The following ZBBX variants were observed in gnomAD, a reference collection of about 807,000 sequenced individuals.
ZBBX encodes the protein zinc finger B-box domain containing, also known as zinc finger B-box domain-containing protein 1.
ZBBX carries 101 observed loss-of-function variants against 108.5 expected under a neutral mutation model. That is an observed-to-expected ratio of 0.93 (90% CI 0.79 to 1.10). The LOEUF is 1.10. ZBBX is among the 50% of genes least tolerant of loss of function. The pLI, the probability that ZBBX is intolerant of heterozygous loss-of-function variation, is 0.00. For missense variants in ZBBX, 1,009 were observed against 941.4 expected, an observed-to-expected ratio of 1.07 and a Z score of -0.94; for synonymous variants, 356 against 323.4, an observed-to-expected ratio of 1.10 and a Z score of -1.08.
the ZBBX span, among the ~76,000 whole-genome samples, chr3:167,207,988 G>GA: frequency 6.6e-6 from 1 of 152,168 alleles, no homozygotes; most frequent in South Asian, 2.1e-4. Flanking sequence ...ATGGCACTGA[G>GA]AATCTGCATT....
intron 2 of ZBBX, among the ~76,000 whole-genome samples, chr3:167,375,838 C>A (rs529993735): frequency 6.6e-6 from 1 of 152,236 alleles, no homozygotes; most frequent in African/African-American, 2.4e-5. Context: ...TGGAATTACA[C>A]AAAATAATTA....
intron 2 of ZBBX, among the ~76,000 whole-genome samples, chr3:167,374,669 T>C (rs1041934115): frequency 2.6e-5 from 4 of 152,152 alleles, no homozygotes; most frequent in African/African-American, 9.7e-5. Flanking sequence ...AGGTTTGTTT[T>C]CTGAGCTCAA....
At chr3:167,215,409 C>A in the ZBBX span, among the ~76,000 whole-genome samples, 1 of 152,056 alleles carries the variant, frequency 6.6e-6, no homozygotes, top group Non-Finnish European at 1.5e-5. Context: ...GACACATACA[C>A]CCTCCCAAGA....
At chr3:167,306,290 A>G (rs1296263701) in intron 16 of ZBBX, among the ~76,000 whole-genome samples, 1 of 152,202 alleles carries the variant, frequency 6.6e-6, no homozygotes, top group Non-Finnish European at 1.5e-5. Context: ...ATTTTACAAC[A>G]GTAATTCATG....
At chr3:167,287,562 A>G (rs1375025465) in intron 19 of ZBBX, among the ~76,000 whole-genome samples, 1 of 152,172 alleles carries the variant, frequency 6.6e-6, no homozygotes, top group African/African-American at 2.4e-5. Context: ...GCTTGAACAA[A>G]TGTTTTTTAT....
At chr3:167,392,066 G>T (rs574705966) in intron 1 of ZBBX, among the ~76,000 whole-genome samples, 1 of 151,618 alleles carries the variant, frequency 6.6e-6, no homozygotes. Flanking sequence ...TCACCCACCT[G>T]AAGCTCCAAG....
At chr3:167,403,452 G>A (rs1748488643) in intron 1 of ZBBX, among the ~76,000 whole-genome samples, 1 of 152,062 alleles carries the variant, frequency 6.6e-6, no homozygotes, top group Admixed American at 6.6e-5. Context: ...AATCTGAAGA[G>A]AAATGATACC....
upstream of ZBBX, among the ~76,000 whole-genome samples, chr3:167,384,860 C>T (rs1747858584): frequency 6.6e-6 from 1 of 151,996 alleles, no homozygotes; most frequent in South Asian, 2.1e-4. Flanking sequence ...GCATGCACTA[C>T]ATCAGCTGGT....
chr3:167,357,027 T>A (rs1269394424), intron 8 of ZBBX, among the ~76,000 whole-genome samples: 1 of 152,126 alleles, frequency 6.6e-6, no homozygotes, highest in Non-Finnish European at 1.5e-5. Flanking sequence ...AGACATCCAA[T>A]AAAGGTGTTG....
At chr3:167,226,859 A>G in the ZBBX span, among the ~76,000 whole-genome samples, 7 of 151,740 alleles carry the variant, frequency 4.6e-5, no homozygotes, top group African/African-American at 1.7e-4. Context: ...TTTAGAGAGT[A>G]TGTACTTGCC....
chr3:167,227,564 T>C, the ZBBX span, among the ~76,000 whole-genome samples: 35 of 151,712 alleles, frequency 2.3e-4, no homozygotes, highest in African/African-American at 8.2e-4. Flanking sequence ...AACCTTTAGT[T>C]TCATAAAAAA....
At position 167,373,078 on chromosome 3, in the gene ZBBX, A is replaced by G. The variant is rs189699296; in HGVS notation, c.-49-128T>C. 1.2e-3 allele frequency: 614 copies of G among 511,942 alleles called. 3 individuals are homozygous for G. Among genetic ancestry groups the G allele is most frequent in the African/African-American group, 0.011 (566 of 51,726 alleles). 31.7% of individuals were successfully genotyped at this position (511,942 alleles called of 1,614,324 possible). A position where few individuals can be genotyped will look rare whatever the true frequency, so the allele number is the denominator to read the frequency against. ...AGCAAAAAGGCTGAATCAAAATTTA[A>G]ACAGCAAAAATTATACACTGTTAGC... On this transcript the variant is annotated intron_variant, in intron 3 of 21. Transcript: ENST00000675490.
At chr3:167,404,350 T>C (rs1329952500) in intron 1 of ZBBX, among the ~76,000 whole-genome samples, 1 of 152,148 alleles carries the variant, frequency 6.6e-6, no homozygotes, top group Non-Finnish European at 1.5e-5. Context: ...CAAGTAGAAA[T>C]AGACAAATTC....
At position 167,239,868 on chromosome 3, in the gene ZBBX, T is replaced by C; in HGVS notation, c.*925A>G. Among the ~76,000 whole-genome samples the C allele has an allele frequency of 6.6e-6, 1 of 152,118 alleles. No homozygotes were observed. The highest frequency in any genetic ancestry group is 1.9e-4 in the East Asian group (1 of 5,180). ...TAATTTATAAAGGACAGAGGTTTAATTGACTCACAGTTCAGCATGGTGGGG... is the reference window on the plus strand; with the variant it reads ...TAATTTATAAAGGACAGAGGTTTAACTGACTCACAGTTCAGCATGGTGGGG... On this transcript the variant is annotated 3_prime_UTR_variant, in exon 22 of 22. Coordinates refer to ENST00000675490, the MANE Select transcript of ZBBX (RefSeq NM_001199201.2).
chr3:167,348,346 A>AAGAT (rs1393224120), intron 9 of ZBBX, among the ~76,000 whole-genome samples: 1 of 115,668 alleles, frequency 8.6e-6, no homozygotes, highest in South Asian at 3.0e-4. Context: ...GAAAGAAAGA[A>AAGAT]AGAAAGAAAG....
At chr3:167,208,989 G>A in the ZBBX span, among the ~76,000 whole-genome samples, 5 of 152,226 alleles carry the variant, frequency 3.3e-5, no homozygotes, top group Admixed American at 3.3e-4. Flanking sequence ...TGGCTGAAGA[G>A]CGCTTGGGTC....
the ZBBX span, among the ~76,000 whole-genome samples, chr3:167,228,309 T>C: frequency 6.6e-6 from 1 of 151,772 alleles, no homozygotes; most frequent in Non-Finnish European, 1.5e-5. Context: ...TGAGTCAAGC[T>C]GAGTTTTTCC....
intron 20 of ZBBX, among the ~76,000 whole-genome samples, chr3:167,264,539 T>G (rs904643685): frequency 1.3e-5 from 2 of 152,180 alleles, no homozygotes; most frequent in African/African-American, 4.8e-5. Context: ...TTTAACTTTT[T>G]GTTGTTTCTC....
At chr3:167,384,835 A>G (rs1178394162), upstream of ZBBX, among the ~76,000 whole-genome samples, 1 of 152,044 alleles carries the variant, frequency 6.6e-6, no homozygotes, top group East Asian at 1.9e-4. Context: ...GTTCTCATGC[A>G]TTTACTGCAG....
Sources: allele counts gnomAD v4.1 joint callset (sites outside exome capture counted in the v4.1 genomes callset), GRCh38; gene constraint gnomAD v4.1.1; transcripts MANE v1.5; gene names NCBI Gene and HGNC (gene_info 2026-07-23, HGNC 2026-07-21).